TMEM250: variants seen among roughly 807,000 people sequenced by gnomAD.
The protein encoded by TMEM250 is herpes virus UL25-binding protein.
Under a neutral mutation model 7.0 loss-of-function variants are expected in TMEM250, and 7 were observed. The observed-to-expected ratio is 1.00, with a 90% CI of 0.57 to 1.87. The LOEUF (loss-of-function observed/expected upper bound fraction) is 1.87, where lower values mean the gene tolerates loss of function less well. TMEM250 is among the 40% of genes most tolerant of loss of function. The pLI is 0.00. For missense variants in TMEM250, 196 were observed against 202.5 expected, an observed-to-expected ratio of 0.97 and a Z score of 0.19; for synonymous variants, 135 against 96.7, an observed-to-expected ratio of 1.40 and a Z score of -2.32.
At position 136,114,937 on chromosome 9, in the gene TMEM250, G is replaced by C. The variant is rs144264388; in HGVS notation, c.*1544C>G. The C allele has an allele frequency of 6.6e-6, 1 of 152,258 alleles. No homozygotes were observed. The allele number at this position is 152,258 out of a possible 1,614,324, so 9.4% of individuals were successfully genotyped here. A position where few individuals can be genotyped will look rare whatever the true frequency, so the allele number is the denominator to read the frequency against. ...TGGACGCAGCCCGGGCTCATCAGAG[G>C]TCATCCACAGAAGCTGCCGATAAAT... is the stretch of plus-strand genomic sequence containing the variant. On this transcript the variant is annotated 3_prime_UTR_variant, in exon 2 of 2. Transcript: ENST00000418388.
At position 136,116,877 on chromosome 9, in the gene TMEM250, C is replaced by T; in HGVS notation, c.24G>A (p.Arg8=). The change falls in exon 2 of 2, where the codon CGG becomes CGA. Residue 8 remains arginine, a synonymous_variant. Coordinates refer to ENST00000418388, the MANE Select transcript of TMEM250 (RefSeq NM_152833.3). The part of the protein sequence containing the change: MPVMPIP[R]RVRSFHGPHT... ...GCGGGCCGTGGAAGGAGCGCACCCGCCGCGGAATGGGCATGACCGGCATTG... is the reference window on the plus strand; with the variant it reads ...GCGGGCCGTGGAAGGAGCGCACCCGTCGCGGAATGGGCATGACCGGCATTG... 2 of 1,574,844 alleles carry T rather than the reference C, an allele frequency of 1.3e-6. No individual in the cohort carries two copies. The highest frequency in any genetic ancestry group is 1.7e-6 in the Non-Finnish European group (2 of 1,163,344).
chr9:136,116,790 C>T lies in TMEM250; in HGVS notation c.111G>A (p.Lys37=), dbSNP rs760418595. The T allele has an allele frequency of 1.9e-6, 3 of 1,612,124 alleles. No individual in the cohort carries two copies. Among genetic ancestry groups the T allele is most frequent in the Non-Finnish European group, 2.5e-6 (3 of 1,179,692 alleles). The change falls in exon 2 of 2, where the codon AAG becomes AAA. Residue 37 remains lysine, a synonymous_variant. Coordinates refer to ENST00000418388, the MANE Select transcript of TMEM250 (RefSeq NM_152833.3). ...TGATGTACACGTCGAAGTTGTTGTA[C>T]TTGGTGCGGGCCAGGTGGGAGGCGC... The part of the protein sequence containing the change: ...PVRASHLART[K]YNNFDVYIKT...
chr9:136,118,618 G>C lies in TMEM250; in HGVS notation c.-258C>G, dbSNP rs569802231. The C allele has an allele frequency of 4.6e-5, 7 of 152,282 alleles. No individual in the cohort carries two copies. Among genetic ancestry groups the C allele is most frequent in the African/African-American group, 1.7e-4 (7 of 41,532 alleles). The allele number at this position is 152,282 out of a possible 1,614,324, so 9.4% of individuals were successfully genotyped here. A position where few individuals can be genotyped will look rare whatever the true frequency, so the allele number is the denominator to read the frequency against. ...GCGGCCGCATGGTGCTGGGGCGCGC[G>C]GCTGGGGGCGCTGGCAAGGCGGCTG... On this transcript the variant is annotated 5_prime_UTR_variant, in exon 1 of 2. Coordinates refer to ENST00000418388, the MANE Select transcript of TMEM250 (RefSeq NM_152833.3).
In TMEM250 at chr9:136,116,979, G is replaced by A. The variant is rs1206955946; in HGVS notation, c.-79C>T. The A allele has an allele frequency of 1.4e-5, 19 of 1,371,168 alleles. No individual in the cohort carries two copies. Among genetic ancestry groups the A allele is most frequent in the Non-Finnish European group, 1.7e-5 (18 of 1,068,116 alleles). 84.9% of individuals were successfully genotyped at this position (1,371,168 alleles called of 1,614,324 possible). On this transcript the variant is annotated 5_prime_UTR_variant, in exon 2 of 2. Transcript: ENST00000418388. ...GGCTGTTGGCGTAGGGGTCATGGGC[G>A]CCTAGGCCTGGGAGCCCGCAGCTGA...
In TMEM250 at chr9:136,116,555, C is replaced by T. The variant is rs373241388; in HGVS notation, c.346G>A (p.Val116Ile). The T allele has an allele frequency of 3.1e-6, 5 of 1,596,994 alleles. No homozygotes were observed. In the South Asian group the frequency reaches 4.4e-5, roughly 14 times the overall value. Residue 116 changes from valine to isoleucine, a missense_variant, in exon 2 of 2, where the codon GTC (valine) becomes ATC (isoleucine). Coordinates refer to ENST00000418388, the MANE Select transcript of TMEM250 (RefSeq NM_152833.3). ...AGCATGGTGACGTGGATGCCATAGA[C>T]GAGCAGCTCGTTCACCAGGCGGAAG... ...VDFRLVNELL[V>I]YGIHVTMLLV... is the part of the protein sequence containing the mutation.
rs1830766566 is a variant in TMEM250 at position 136,118,679 on chromosome 9, C to T, written c.-319G>A. 6.6e-6 allele frequency: 1 copy of T among 152,352 alleles called. No homozygotes were observed. Among genetic ancestry groups the T allele is most frequent in the Non-Finnish European group, 1.5e-5 (1 of 68,290 alleles). The allele number at this position is 152,352 out of a possible 1,614,324, so 9.4% of individuals were successfully genotyped here. ...TCACGCGTCGCCGGCTGGGGTCGCC[C>T]TGCAGGTGAAGGGGCTCTCGGGCGC... On this transcript the variant is annotated 5_prime_UTR_variant, in exon 1 of 2. Coordinates refer to ENST00000418388, the MANE Select transcript of TMEM250 (RefSeq NM_152833.3).
At chr9:136,117,448 T>C (rs1319857772) in intron 1 of TMEM250, among the ~76,000 whole-genome samples, 1 of 152,186 alleles carries the variant, frequency 6.6e-6, no homozygotes, top group Non-Finnish European at 1.5e-5. Context: ...GACCCAGGGC[T>C]GATGCAAGCC....
At chr9:136,117,393 C>G (rs1830729658) in intron 1 of TMEM250, among the ~76,000 whole-genome samples, 2 of 152,252 alleles carry the variant, frequency 1.3e-5, no homozygotes, top group African/African-American at 2.4e-5. Context: ...ACACTCTGCT[C>G]TTAGGCAGTT....
intron 1 of TMEM250, among the ~76,000 whole-genome samples, chr9:136,117,252 C>G (rs1183276070): frequency 6.6e-6 from 1 of 152,230 alleles, no homozygotes; most frequent in Non-Finnish European, 1.5e-5. Flanking sequence ...TCTAGGGCAG[C>G]ACTGGGGAAA....
At chr9:136,117,805 GC>G (rs1264860455) in intron 1 of TMEM250, 1 of 152,412 alleles carries the variant, frequency 6.6e-6, no homozygotes, top group African/African-American at 2.4e-5. Context: ...TACAGACTGG[GC>G]TGCAAAGAGC....
chr9:136,115,615 G>A lies in TMEM250; in HGVS notation c.*866C>T, dbSNP rs1309105277. Reference sequence around the variant, plus strand: ...CTTTCTTTGACGGTGTTCCCTCAAAGAAAGAGGCCCAAAGCCCTCCCCCGC... The same window carrying A: ...CTTTCTTTGACGGTGTTCCCTCAAAAAAAGAGGCCCAAAGCCCTCCCCCGC... On this transcript the variant is annotated 3_prime_UTR_variant, in exon 2 of 2. Coordinates refer to ENST00000418388, the MANE Select transcript of TMEM250 (RefSeq NM_152833.3). The A allele has an allele frequency of 1.3e-5, 2 of 152,812 alleles. No individual in the cohort carries two copies. The highest frequency in any genetic ancestry group is 2.9e-5 in the Non-Finnish European group (2 of 68,490). The allele number at this position is 152,812 out of a possible 1,614,324, so 9.5% of individuals were successfully genotyped here.
Position 136,118,558 on chromosome 9 carries a change from C to G in TMEM250, c.-198G>C, listed in dbSNP as rs929565879. The G allele has an allele frequency of 1.3e-5, 2 of 151,526 alleles. No homozygotes were observed. Among genetic ancestry groups the G allele is most frequent in the Non-Finnish European group, 2.9e-5 (2 of 67,918 alleles). 9.4% of individuals were successfully genotyped at this position (151,526 alleles called of 1,614,324 possible). A position where few individuals can be genotyped will look rare whatever the true frequency, so the allele number is the denominator to read the frequency against. ...CCGGCGGTGCTAGGGGCCGGGCCTG[C>G]GGGTGCCCCTGTCCCTCGGGGCTCC... is the stretch of plus-strand genomic sequence containing the variant. On this transcript the variant is annotated 5_prime_UTR_variant, in exon 1 of 2. Coordinates refer to ENST00000418388, the MANE Select transcript of TMEM250 (RefSeq NM_152833.3).
Position 136,115,964 on chromosome 9 carries a change from G to A in TMEM250, c.*517C>T, listed in dbSNP as rs991691420. On this transcript the variant is annotated 3_prime_UTR_variant, in exon 2 of 2. Transcript: ENST00000418388. ...GCAGTGCCAGGCCTCAGGCGGCCCA[G>A]GGCAGAGTAAGCAGCTTTGTGGCAG... 2.0e-5 allele frequency: 8 copies of A among 406,082 alleles called. No individual in the cohort carries two copies. The highest frequency in any genetic ancestry group is 8.4e-5 in the Admixed American group (2 of 23,902). The allele number at this position is 406,082 out of a possible 1,614,324, so 25.2% of individuals were successfully genotyped here. A position where few individuals can be genotyped will look rare whatever the true frequency, so the allele number is the denominator to read the frequency against.
intron 1 of TMEM250, 30 bp from the exon 2 acceptor site, chr9:136,117,054 G>A: frequency 1.6e-6 from 2 of 1,257,256 alleles, no homozygotes; most frequent in Non-Finnish European, 2.1e-6. Flanking sequence ...ACCCACGTCA[G>A]TATGAGGACA....
At chr9:136,117,095 G>A (rs1199085039) in intron 1 of TMEM250, 71 bp from the exon 2 acceptor site, 3 of 934,578 alleles carry the variant, frequency 3.2e-6, no homozygotes, top group Non-Finnish European at 4.3e-6. Context: ...GCAATCAGCT[G>A]GCGAAAGTGG....
At chr9:136,117,097 C>T in intron 1 of TMEM250, 73 bp from the exon 2 acceptor site, 1 of 893,926 alleles carries the variant, frequency 1.1e-6, no homozygotes, top group Non-Finnish European at 1.5e-6. Flanking sequence ...AATCAGCTGG[C>T]GAAAGTGGAC....
chr9:136,116,597 CCAGCAG>C lies in TMEM250; in HGVS notation c.298_303del (p.Leu100_Leu101del). The C allele has an allele frequency of 1.9e-6, 3 of 1,604,794 alleles. No homozygotes were observed. Among genetic ancestry groups the C allele is most frequent in the Non-Finnish European group, 2.5e-6 (3 of 1,179,530 alleles). On this transcript the variant is annotated inframe_deletion, in exon 2 of 2. Coordinates refer to ENST00000418388, the MANE Select transcript of TMEM250 (RefSeq NM_152833.3). ...AGGCGGAAGTCCACGCGCCGGCGGC[CCAGCAG>C]CAGCAGCAGCACCGACAGCTTGCGC...
Position 136,116,972 on chromosome 9 carries a change from C to A in TMEM250, c.-72G>T. On this transcript the variant is annotated 5_prime_UTR_variant, in exon 2 of 2. The change abolishes an upstream ATG in the 5' untranslated region. Coordinates refer to ENST00000418388, the MANE Select transcript of TMEM250 (RefSeq NM_152833.3). ...TCCAGGCGGCTGTTGGCGTAGGGGT[C>A]ATGGGCGCCTAGGCCTGGGAGCCCG... 1 of 1,381,148 alleles carries A rather than the reference C, an allele frequency of 7.2e-7. No individual in the cohort carries two copies. Among genetic ancestry groups the A allele is most frequent in the South Asian group, 1.6e-5 (1 of 61,790 alleles). 85.6% of individuals were successfully genotyped at this position (1,381,148 alleles called of 1,614,324 possible). A position where few individuals can be genotyped will look rare whatever the true frequency, so the allele number is the denominator to read the frequency against.
intron 1 of TMEM250, 155 bp downstream of exon 1, chr9:136,118,330 G>C (rs1330557374): frequency 6.6e-6 from 1 of 152,096 alleles, no homozygotes; most frequent in African/African-American, 2.4e-5. Flanking sequence ...GAGACGCAAC[G>C]GGCCCCGGCC....
Sources: gnomAD v4.1 joint callset for allele counts (sites outside exome capture counted in the v4.1 genomes callset) on GRCh38, gnomAD v4.1.1 for gene constraint, MANE v1.5 for transcripts, NCBI Gene and HGNC (gene_info 2026-07-23, HGNC 2026-07-21) for gene names.